The following GPLD1 variants were observed in gnomAD, a reference collection of about 807,000 sequenced individuals.
GPLD1 encodes the protein glycosylphosphatidylinositol specific phospholipase D1.
In GPLD1, 84 loss-of-function variants were observed where a neutral mutation model predicts 112.6. That is an observed-to-expected ratio of 0.75 (90% CI 0.63 to 0.89). The LOEUF is 0.89. Ranked by LOEUF, GPLD1 falls within the 40% of genes least tolerant of loss-of-function variation. The pLI is 0.00. For synonymous variants in GPLD1, 386 were observed against 403.8 expected (o/e 0.96, Z 0.53); for missense variants, 1,044 against 1,051.5 (o/e 0.99, Z 0.10).
intron 6 of GPLD1, chr6:24,473,384 G>T: frequency 3.1e-6 from 1 of 326,444 alleles, no homozygotes. Flanking sequence ...ATTATGACAT[G>T]TCAACAACAA....
At chr6:24,454,946 C>T (rs1244859451) in intron 13 of GPLD1, among the ~76,000 whole-genome samples, 1 of 152,068 alleles carries the variant, frequency 6.6e-6, no homozygotes, top group Non-Finnish European at 1.5e-5. Context: ...CTGGCCAAGA[C>T]AGTGAAATGC....
downstream of GPLD1, chr6:24,425,248 ACTT>A (rs1762194301): frequency 6.6e-6 from 1 of 152,220 alleles, no homozygotes; most frequent in Non-Finnish European, 1.5e-5. Context: ...AATAAGTACT[ACTT>A]AACTGTGACA....
chr6:24,475,084 T>C, intron 5 of GPLD1, 37 bp downstream of exon 5: 1 of 1,010,846 alleles, frequency 9.9e-7, no homozygotes. Flanking sequence ...ACAGTATCAC[T>C]CCCATAAAGT....
intron 6 of GPLD1, chr6:24,473,403 AT>A: frequency 2.7e-6 from 1 of 367,736 alleles, no homozygotes; most frequent in South Asian, 6.4e-5. Context: ...AAAGTGTAGA[AT>A]TTTTTAACAA....
At position 24,456,481 on chromosome 6, in the gene GPLD1, G is replaced by A. The variant is rs371609131; in HGVS notation, c.1148+17C>T. ...TACTGAAGAAAACATTCACAAGTTA[G>A]ATAAACTTATACGTACCAGCCAAGC... On this transcript the variant is annotated intron_variant, in intron 13 of 24. Transcript: ENST00000230036. The A allele has an allele frequency of 6.6e-6, 10 of 1,525,232 alleles. No homozygotes were observed. The African/African-American group carries it at 9.7e-5, about 15-fold the overall frequency. 94.5% of individuals were successfully genotyped at this position (1,525,232 alleles called of 1,614,324 possible).
At chr6:24,439,090 C>T (rs970410016) in intron 20 of GPLD1, among the ~76,000 whole-genome samples, 1 of 152,194 alleles carries the variant, frequency 6.6e-6, no homozygotes. Context: ...GCCACATTCC[C>T]TTTCTTTTCG....
chr6:24,445,799 T>G lies in GPLD1; in HGVS notation c.1853A>C (p.Lys618Thr), dbSNP rs780060819. The G allele has an allele frequency of 1.9e-6, 3 of 1,613,666 alleles. No individual in the cohort carries two copies. Among genetic ancestry groups the G allele is most frequent in the South Asian group, 2.2e-5 (2 of 91,052 alleles). ...GCCATACACCCTCCCAAGGCTCTTT[T>G]TCTCATCTCGGATGTGTAACAAATG... ...LGHLLHIRDE[K>T]KSLGRVYGYF... The change falls in exon 19 of 25, where the codon AAA becomes ACA. Residue 618 changes from lysine (K) to threonine (T), a missense_variant. Physicochemically the swap from Lys to Thr is moderately conservative, Grantham distance 78. Coordinates refer to ENST00000230036, the MANE Select transcript of GPLD1 (RefSeq NM_001503.4).
At chr6:24,440,581 C>CAAAAAAA (rs58480061) in intron 20 of GPLD1, among the ~76,000 whole-genome samples, 15,920 of 117,822 alleles carry the variant, frequency 0.14, 1,182 homozygotes, top group Non-Finnish European at 0.17. Flanking sequence ...AAAAAATACT[C>CAAAAAAA]AAAAAAAAAA....
At position 24,445,617 on chromosome 6, in the gene GPLD1, G is replaced by C; in HGVS notation, c.1949C>G (p.Ser650Cys). The change falls in exon 20 of 25, where the codon TCC becomes TGC. Residue 650 changes from serine to cysteine, a missense_variant. Ser to Cys is a moderately radical substitution (Grantham distance 112). Coordinates refer to ENST00000230036, the MANE Select transcript of GPLD1 (RefSeq NM_001503.4). ...CATCAGTACGTGGCCACTGGAAAGGGAAGTACCCAGTTTCCCCATTGCCTG... is the reference window on the plus strand; with the variant it reads ...CATCAGTACGTGGCCACTGGAAAGGCAAGTACCCAGTTTCCCCATTGCCTG... ...GDKAMGKLGTSLSSGHVLMNG... is the reference protein window; with the variant it reads ...GDKAMGKLGTCLSSGHVLMNG... 1.9e-6 allele frequency: 3 copies of C among 1,613,856 alleles called. No homozygotes were observed. Among genetic ancestry groups the C allele is most frequent in the South Asian group, 2.2e-5 (2 of 91,078 alleles).
At chr6:24,464,763 G>A (rs891765791) in intron 10 of GPLD1, among the ~76,000 whole-genome samples, 16 of 152,182 alleles carry the variant, frequency 1.1e-4, no homozygotes, top group African/African-American at 3.9e-4. Context: ...CCCACTGCTG[G>A]TGGTACAGCC....
At chr6:24,434,185 G>A (rs1440260273) in intron 22 of GPLD1, among the ~76,000 whole-genome samples, 1 of 151,980 alleles carries the variant, frequency 6.6e-6, no homozygotes, top group Admixed American at 6.6e-5. Context: ...ATCACTGGAG[G>A]TCAGGAGTTC....
chr6:24,490,106 C>A (rs1056355943), upstream of GPLD1, among the ~76,000 whole-genome samples: 2 of 152,196 alleles, frequency 1.3e-5, no homozygotes, highest in African/African-American at 4.8e-5. Context: ...ACAAGAGCAG[C>A]CACTCCTGGT....
upstream of GPLD1, chr6:24,495,276 G>T (rs1764672993): frequency 6.5e-7 from 1 of 1,532,574 alleles, no homozygotes; most frequent in Admixed American, 2.0e-5. Context: ...AGCCGACTGC[G>T]GGGTGCGAGA....
intron 24 of GPLD1, among the ~76,000 whole-genome samples, chr6:24,431,862 C>A (rs977860403): frequency 6.6e-5 from 10 of 152,044 alleles, no homozygotes; most frequent in African/African-American, 2.4e-4. Context: ...TCTGCCATAT[C>A]GAAATTTAAA....
At position 24,454,041 on chromosome 6, in the gene GPLD1, C is replaced by T. The variant is rs1331636024; in HGVS notation, c.1309G>A (p.Ala437Thr). The part of the protein sequence containing the change: ...PPVDLDLDKE[A>T]HRILEGFQPS... ...TGGAAGCCTTCAAGGATCCTGTGGG[C>T]CTCCTTGTCCAGGTCCAGGTCAACA... Residue 437 changes from alanine (A) to threonine (T), a missense_variant, in exon 14 of 25, where the codon GCC becomes ACC. Transcript: ENST00000230036. 1.9e-6 allele frequency: 3 copies of T among 1,611,590 alleles called. No individual in the cohort carries two copies. Among genetic ancestry groups the T allele is most frequent in the African/African-American group, 1.3e-5 (1 of 74,828 alleles).
intron 2 of GPLD1, among the ~76,000 whole-genome samples, chr6:24,480,963 G>A (rs992453755): frequency 5.9e-5 from 9 of 152,242 alleles, no homozygotes; most frequent in African/African-American, 2.2e-4. Context: ...TATGGGCAGA[G>A]TACAGGACAA....
intron 11 of GPLD1, among the ~76,000 whole-genome samples, chr6:24,460,667 A>T (rs1763404657): frequency 6.6e-6 from 1 of 152,194 alleles, no homozygotes; most frequent in African/African-American, 2.4e-5. Context: ...AAAGGCTTCA[A>T]TTCTTTCCAG....
chr6:24,435,884 G>GT (rs1762564490), intron 22 of GPLD1: 1 of 145,064 alleles, frequency 6.9e-6, no homozygotes. Flanking sequence ...CCCAGGAAAT[G>GT]TAACTTAAGG....
At chr6:24,441,677 A>T (rs1297187246) in intron 20 of GPLD1, among the ~76,000 whole-genome samples, 1 of 152,226 alleles carries the variant, frequency 6.6e-6, no homozygotes, top group East Asian at 1.9e-4. Context: ...AGAGAAGCTA[A>T]GTGGTTAGGA....
Sources: gnomAD v4.1 joint callset for allele counts (sites outside exome capture counted in the v4.1 genomes callset) on GRCh38, gnomAD v4.1.1 for gene constraint, MANE v1.5 for transcripts, NCBI Gene and HGNC (gene_info 2026-07-23, HGNC 2026-07-21) for gene names.